Variants in KCNQ4 observed in about 807,000 individuals in gnomAD.
The protein encoded by KCNQ4 is potassium voltage-gated channel subfamily Q member 4.
KCNQ4 carries 31 observed loss-of-function variants against 72.6 expected under a neutral mutation model. The ratio of observed to expected loss-of-function variants is 0.43; its 90% CI spans 0.32 to 0.58. KCNQ4 has a LOEUF of 0.58. KCNQ4 is among the 20% of genes least tolerant of loss of function. KCNQ4 has a pLI of 0.08. For missense variants in KCNQ4, 869 were observed against 962.6 expected (o/e 0.90, Z 1.29); for synonymous variants, 405 against 403.7 (o/e 1.00, Z -0.04).
At chr1:40,828,559 G>A (rs181566010) in intron 9 of KCNQ4, among the ~76,000 whole-genome samples, 1 of 152,322 alleles carries the variant, frequency 6.6e-6, no homozygotes, top group East Asian at 1.9e-4. Flanking sequence ...CTGGGTTCCA[G>A]TTCTTGCTCC....
intron 1 of KCNQ4, among the ~76,000 whole-genome samples, chr1:40,790,470 T>C (rs778759059): frequency 6.6e-6 from 1 of 152,144 alleles, no homozygotes; most frequent in Non-Finnish European, 1.5e-5. Context: ...GGGCGAGTGG[T>C]TCTCCATGGG....
At chr1:40,831,019 C>G in intron 9 of KCNQ4, 65 bp from the exon 10 acceptor site, 18 of 1,356,992 alleles carry the variant, frequency 1.3e-5, no homozygotes, top group Non-Finnish European at 1.5e-5. Context: ...TCAGCTTTGT[C>G]CCCACTCACC....
intron 1 of KCNQ4, among the ~76,000 whole-genome samples, chr1:40,785,653 T>TCTGTGCATCTGC (rs1647195370): frequency 6.6e-6 from 1 of 152,078 alleles, no homozygotes; most frequent in African/African-American, 2.4e-5. Flanking sequence ...CGGGTGCCTG[T>TCTGTGCATCTGC]CTGTGCATCT....
intron 7 of KCNQ4, among the ~76,000 whole-genome samples, 172 bp from the exon 8 acceptor site, chr1:40,822,142 C>T (rs990458135): frequency 6.6e-5 from 10 of 152,322 alleles, no homozygotes; most frequent in African/African-American, 2.4e-4. Flanking sequence ...GTCGTTTCTC[C>T]CTAGGCCTTA....
chr1:40,818,360 C>T (rs1648162833), intron 3 of KCNQ4, 70 bp downstream of exon 3: 7 of 1,604,442 alleles, frequency 4.4e-6, no homozygotes, highest in Non-Finnish European at 5.1e-6. Context: ...TACTCCCAAT[C>T]CCGACTCTGA....
intron 1 of KCNQ4, among the ~76,000 whole-genome samples, chr1:40,785,826 G>A (rs184559692): frequency 2.6e-5 from 4 of 152,134 alleles, no homozygotes; most frequent in East Asian, 1.9e-4. Flanking sequence ...AGAAAGATGC[G>A]GCACAGGGAG....
chr1:40,802,920 C>G (rs971176013), intron 1 of KCNQ4, among the ~76,000 whole-genome samples: 1 of 152,184 alleles, frequency 6.6e-6, no homozygotes. Context: ...CAGAGCAGAG[C>G]TGAATTCAAG....
At chr1:40,804,968 C>T (rs1405635750) in intron 1 of KCNQ4, 1 of 152,130 alleles carries the variant, frequency 6.6e-6, no homozygotes, top group Non-Finnish European at 1.5e-5. Flanking sequence ...CTAAGTTTGG[C>T]ATAAATATGG....
chr1:40,803,159 C>T (rs1326929149), intron 1 of KCNQ4, among the ~76,000 whole-genome samples: 1 of 152,206 alleles, frequency 6.6e-6, no homozygotes, highest in Admixed American at 6.5e-5. Flanking sequence ...AAAAGACCCT[C>T]TTCTGGGGAC....
chr1:40,822,686 T>C (rs1295037846), intron 8 of KCNQ4, among the ~76,000 whole-genome samples: 1 of 152,176 alleles, frequency 6.6e-6, no homozygotes, highest in South Asian at 2.1e-4. Flanking sequence ...TGCTCACCCA[T>C]AGGTGATGCC....
chr1:40,787,906 C>T (rs1320981638), intron 1 of KCNQ4, among the ~76,000 whole-genome samples: 3 of 152,216 alleles, frequency 2.0e-5, no homozygotes, highest in Non-Finnish European at 4.4e-5. Context: ...ACCCTATCTC[C>T]CTTCATCCTC....
intron 1 of KCNQ4, among the ~76,000 whole-genome samples, chr1:40,808,778 A>G (rs1050826675): frequency 3.3e-5 from 5 of 151,634 alleles, no homozygotes; most frequent in Non-Finnish European, 5.9e-5. Context: ...CGCATCTTCA[A>G]CTTCTCCTTC....
chr1:40,788,923 CAA>C lies in KCNQ4; in HGVS notation c.314+4520_314+4521del, dbSNP rs975186187. On this transcript the variant is annotated intron_variant, in intron 1 of 13. Transcript: ENST00000347132. The surrounding 1 kb of genome is among the most constrained non-coding windows in gnomAD (Gnocchi z 4.5). ...AAACACACACACAGCATCCATCCAA[CAA>C]AAAGAGTTCTAGTTTACAGCTGCCC... Among the ~76,000 whole-genome samples, 3 of 152,220 alleles carry C rather than the reference CAA, an allele frequency of 2.0e-5. No homozygotes were observed. Among genetic ancestry groups the C allele is most frequent in the African/African-American group, 7.2e-5 (3 of 41,454 alleles).
In KCNQ4 at chr1:40,784,234, C is replaced by T. The variant is rs1647181512; in HGVS notation, c.141C>T (p.Leu47=). Residue 47 remains leucine, a synonymous_variant, in exon 1 of 14, where the codon CTC becomes CTT. Coordinates refer to ENST00000347132, the MANE Select transcript of KCNQ4 (RefSeq NM_004700.4). This position sits in a 1 kb window ranked among gnomAD's most constrained non-coding sequence, Gnocchi z 4.1. Reference sequence around the variant, plus strand: ...GCGGCTCCCCGCGCCGCCTCGGCCTCCTGGGCAGCCCCCTGCCGCCGGGCG... The same window carrying T: ...GCGGCTCCCCGCGCCGCCTCGGCCTTCTGGGCAGCCCCCTGCCGCCGGGCG... ...GGGGSPRRLG[L]LGSPLPPGAP... 7.7e-7 allele frequency: 1 copy of T among 1,302,712 alleles called. No homozygotes were observed. Among genetic ancestry groups the T allele is most frequent in the Non-Finnish European group, 9.7e-7 (1 of 1,031,342 alleles). 80.7% of individuals were successfully genotyped at this position (1,302,712 alleles called of 1,614,324 possible).
At chr1:40,830,427 A>G (rs1299553360) in intron 9 of KCNQ4, among the ~76,000 whole-genome samples, 4 of 152,094 alleles carry the variant, frequency 2.6e-5, no homozygotes, top group Non-Finnish European at 5.9e-5. Context: ...AGGCCCTAAA[A>G]CCCTGACCAG....
At chr1:40,833,740 T>A (rs891129851) in intron 11 of KCNQ4, among the ~76,000 whole-genome samples, 6 of 149,304 alleles carry the variant, frequency 4.0e-5, no homozygotes, top group African/African-American at 1.2e-4. Context: ...CTCATGCCTG[T>A]AATCCCACCA....
rs866616461 is a variant in KCNQ4, at chr1:40,823,046, G to A, written c.1130+644G>A. On this transcript the variant is annotated intron_variant, in intron 8 of 13. Transcript: ENST00000347132. Reference sequence around the variant, plus strand: ...GAATGAAAACCATGGAGCCCAGCTCGGTCCCACGGGCAGGCGGGCATCAAG... The same window carrying A: ...GAATGAAAACCATGGAGCCCAGCTCAGTCCCACGGGCAGGCGGGCATCAAG... Among the ~76,000 whole-genome samples the A allele has an allele frequency of 5.3e-5, 8 of 152,236 alleles. No homozygotes were observed. In the East Asian group the frequency reaches 9.6e-4, roughly 18 times the overall value.
intron 7 of KCNQ4, among the ~76,000 whole-genome samples, 155 bp downstream of exon 7, chr1:40,820,415 A>G (rs1648252083): frequency 6.6e-6 from 1 of 152,192 alleles, no homozygotes; most frequent in Non-Finnish European, 1.5e-5. Context: ...ATGCCAAGTC[A>G]CACACAGAGC....
intron 1 of KCNQ4, among the ~76,000 whole-genome samples, chr1:40,809,647 G>C (rs878043): frequency 0.36 from 55,479 of 152,056 alleles, 10,886 homozygotes; most frequent in Middle Eastern, 0.48. Context: ...ACAGTCATCT[G>C]TCGTCTGAGC....
Sources: gnomAD v4.1 joint callset for allele counts (sites outside exome capture counted in the v4.1 genomes callset) on GRCh38, gnomAD v4.1.1 for gene constraint, Gnocchi (gnomAD v3.1) non-coding constraint, MANE v1.5 for transcripts, NCBI Gene and HGNC (gene_info 2026-07-23, HGNC 2026-07-21) for gene names.